MAP3K9: variants seen among roughly 807,000 people sequenced by gnomAD.
MAP3K9 encodes the protein mitogen-activated protein kinase kinase kinase 9, also known as mixed lineage kinase 1 (tyr and ser/thr specificity).
Under a neutral mutation model 95.8 loss-of-function variants are expected in MAP3K9, and 46 were observed. That is an observed-to-expected ratio of 0.48 (90% CI 0.38 to 0.61). The LOEUF (loss-of-function observed/expected upper bound fraction) is 0.61, where lower values mean the gene tolerates loss of function less well. Among genes scored for constraint, MAP3K9 ranks in the 20% least tolerant of loss-of-function variants. The pLI is 0.00. For missense variants in MAP3K9, 1,296 were observed against 1,474.3 expected (o/e 0.88, Z 1.98); for synonymous variants, 533 against 593.8 (o/e 0.90, Z 1.49).
At chr14:70,742,687 G>A (rs1049546316) in intron 5 of MAP3K9, 96 bp from the exon 6 acceptor site, 1 of 1,408,160 alleles carries the variant, frequency 7.1e-7, no homozygotes, top group South Asian at 1.4e-5. Flanking sequence ...GGCTTATGGT[G>A]ACCTGGAGAG....
At chr14:70,781,572 A>C (rs1296209224) in intron 2 of MAP3K9, among the ~76,000 whole-genome samples, 1 of 152,250 alleles carries the variant, frequency 6.6e-6, no homozygotes, top group East Asian at 1.9e-4. Context: ...CTGTGAGTCT[A>C]GTCTCATATC....
At chr14:70,767,515 G>A (rs1286538990) in intron 2 of MAP3K9, among the ~76,000 whole-genome samples, 1 of 152,050 alleles carries the variant, frequency 6.6e-6, no homozygotes. Flanking sequence ...GTAGGGGGTG[G>A]AGGGGCACTG....
chr14:70,750,091 G>C lies in MAP3K9; in HGVS notation c.1002-10C>G, dbSNP rs748204674. ...AAGTAGCACCCCATAGCTAAGGAGA[G>C]GAAGAAGACAGAAGCCATGTAATAA... On this transcript the variant is annotated splice_polypyrimidine_tract_variant and intron_variant, in intron 3 of 11. Transcript: ENST00000554752. 1.2e-6 allele frequency: 2 copies of C among 1,613,792 alleles called. No individual in the cohort carries two copies. Among genetic ancestry groups the C allele is most frequent in the Non-Finnish European group, 1.7e-6 (2 of 1,179,926 alleles).
At chr14:70,803,249 A>C (rs2054951283) in intron 1 of MAP3K9, among the ~76,000 whole-genome samples, 1 of 151,284 alleles carries the variant, frequency 6.6e-6, no homozygotes, top group Admixed American at 6.6e-5. Context: ...TTTTCTTTAT[A>C]AATTACCCAG....
Position 70,808,869 on chromosome 14 carries a change from C to A in MAP3K9, c.303G>T (p.Gln101His). The change falls in exon 1 of 12, where the codon CAG becomes CAT. Residue 101 changes from glutamine to histidine, a missense_variant. Transcript: ENST00000554752. ...AGTTGCTGGGGAAGATGCCCACCCG[C>A]TGGTTCAGCTGCCCGGTCCACCAGC... ...DEGWWTGQLN[Q>H]RVGIFPSNYV... 6.2e-7 allele frequency: 1 copy of A among 1,600,056 alleles called. No individual in the cohort carries two copies.
intron 11 of MAP3K9, among the ~76,000 whole-genome samples, chr14:70,731,272 C>T (rs1278300475): frequency 6.6e-6 from 1 of 151,686 alleles, no homozygotes; most frequent in Non-Finnish European, 1.5e-5. Flanking sequence ...ATGATGAAAC[C>T]CCATCTCTAC....
chr14:70,789,043 T>C (rs935817493), intron 2 of MAP3K9, among the ~76,000 whole-genome samples: 3 of 152,290 alleles, frequency 2.0e-5, no homozygotes, highest in East Asian at 1.9e-4. Flanking sequence ...ATTTTAATTA[T>C]CAACTGAGAG....
intron 2 of MAP3K9, among the ~76,000 whole-genome samples, chr14:70,771,172 T>C (rs766250702): frequency 6.6e-6 from 1 of 152,182 alleles, no homozygotes; most frequent in Non-Finnish European, 1.5e-5. Context: ...TCTTCTCCCA[T>C]GCACCTTGTA....
intron 2 of MAP3K9, among the ~76,000 whole-genome samples, chr14:70,775,015 A>T: frequency 7.9e-6 from 1 of 126,292 alleles, no homozygotes; most frequent in East Asian, 2.2e-4. Flanking sequence ...AAAAAAAAAA[A>T]GATATAATAG....
At chr14:70,769,918 T>C (rs1469830290) in intron 2 of MAP3K9, among the ~76,000 whole-genome samples, 3 of 152,186 alleles carry the variant, frequency 2.0e-5, no homozygotes, top group Non-Finnish European at 2.9e-5. Context: ...ATTGTTTGTG[T>C]GGAGGGTTGT....
chr14:70,794,910 C>T (rs963002845), intron 2 of MAP3K9, among the ~76,000 whole-genome samples: 1 of 151,522 alleles, frequency 6.6e-6, no homozygotes, highest in African/African-American at 2.4e-5. Flanking sequence ...ATCTCCTGAC[C>T]TCGTGATCCA....
intron 3 of MAP3K9, 75 bp from the exon 4 acceptor site, chr14:70,750,156 C>T (rs1213356626): frequency 3.1e-6 from 4 of 1,279,642 alleles, no homozygotes; most frequent in Non-Finnish European, 4.5e-6. Context: ...CGAGTCTTTT[C>T]TGAGCATCCC....
At position 70,800,722 on chromosome 14, in the gene MAP3K9, G is replaced by A. The variant is rs758832728; in HGVS notation, c.765C>T (p.Tyr255=). 1.2e-5 allele frequency: 19 copies of A among 1,614,158 alleles called. No homozygotes were observed. In the South Asian group the frequency reaches 2.0e-4, roughly 17 times the overall value. ...WAVQIARGMN[Y]LHDEAIVPII... ...TGGGAACAATTGCCTCATCATGTAA[G>A]TAGTTCATCCCTCTGGCAATCTGCA... Residue 255 remains tyrosine, a synonymous_variant, in exon 2 of 12, where the codon TAC becomes TAT. Coordinates refer to ENST00000554752, the MANE Select transcript of MAP3K9 (RefSeq NM_001284230.2).
chr14:70,779,809 A>G (rs918124236), intron 2 of MAP3K9, among the ~76,000 whole-genome samples: 8 of 152,258 alleles, frequency 5.3e-5, no homozygotes, highest in Non-Finnish European at 1.2e-4. Flanking sequence ...AACGCGGCTC[A>G]GTCCTGCATT....
rs2053839845 is a variant in MAP3K9 at position 70,727,871 on chromosome 14, T to C, written c.*2509A>G. The C allele has an allele frequency of 6.6e-6, 1 of 152,308 alleles. No individual in the cohort carries two copies. The highest frequency in any genetic ancestry group is 2.4e-5 in the African/African-American group (1 of 41,562). The allele number at this position is 152,308 out of a possible 1,614,324, so 9.4% of individuals were successfully genotyped here. ...CCTCTCACTCAATGGCAGGTGACCA[T>C]CATTCAGTTACACTACATCAGTTAC... On this transcript the variant is annotated 3_prime_UTR_variant, in exon 12 of 12. Coordinates refer to ENST00000554752, the MANE Select transcript of MAP3K9 (RefSeq NM_001284230.2).
At position 70,800,801 on chromosome 14, in the gene MAP3K9, T is replaced by C. The variant is rs2054920013; in HGVS notation, c.686A>G (p.Asn229Ser). The C allele has an allele frequency of 1.2e-6, 2 of 1,614,154 alleles. No individual in the cohort carries two copies. The highest frequency in any genetic ancestry group is 1.1e-5 in the South Asian group (1 of 91,074). Reference sequence around the variant, plus strand: ...AATCCTTTTCCCAGATAACACTCTATTCAAAGGTCCTCCACGAGCAAACTC... The same window carrying C: ...AATCCTTTTCCCAGATAACACTCTACTCAAAGGTCCTCCACGAGCAAACTC... ...VMEFARGGPL[N>S]RVLSGKRIPP... The change falls in exon 2 of 12, where the codon AAT becomes AGT. Residue 229 changes from asparagine (N) to serine (S), a missense_variant. Coordinates refer to ENST00000554752, the MANE Select transcript of MAP3K9 (RefSeq NM_001284230.2).
chr14:70,760,114 A>G (rs2054351368), intron 3 of MAP3K9, among the ~76,000 whole-genome samples: 1 of 148,804 alleles, frequency 6.7e-6, no homozygotes, highest in African/African-American at 2.5e-5. Context: ...ATAATAGCTC[A>G]ATAAAGCTAT....
At chr14:70,780,565 A>G (rs2054661614) in intron 2 of MAP3K9, among the ~76,000 whole-genome samples, 1 of 152,174 alleles carries the variant, frequency 6.6e-6, no homozygotes, top group African/African-American at 2.4e-5. Context: ...ACTGCTTCAA[A>G]AGGCGTCAAC....
intron 2 of MAP3K9, among the ~76,000 whole-genome samples, chr14:70,772,785 A>T (rs2054548650): frequency 6.6e-6 from 1 of 152,202 alleles, no homozygotes; most frequent in South Asian, 2.1e-4. Context: ...AAGCTAAGTG[A>T]TTTACACCTA....
Sources: allele counts gnomAD v4.1 joint callset (sites outside exome capture counted in the v4.1 genomes callset), GRCh38; gene constraint gnomAD v4.1.1; transcripts MANE v1.5; gene names NCBI Gene and HGNC (gene_info 2026-07-23, HGNC 2026-07-21).